MYO18B: variants seen among roughly 807,000 people sequenced by gnomAD.
MYO18B encodes the protein myosin XVIIIB.
In MYO18B, 204 loss-of-function variants were observed where a neutral mutation model predicts 273.0. The observed-to-expected ratio is 0.75, with a 90% CI of 0.67 to 0.84. MYO18B has a LOEUF of 0.84. Ranked by LOEUF, MYO18B falls within the 40% of genes least tolerant of loss-of-function variation. The pLI is 0.00. For synonymous variants in MYO18B, 1,330 were observed against 1,305.7 expected, an observed-to-expected ratio of 1.02 and a Z score of -0.40; for missense variants, 3,212 against 3,287.6, an observed-to-expected ratio of 0.98 and a Z score of 0.56.
intron 12 of MYO18B, among the ~76,000 whole-genome samples, chr22:25,819,362 C>G (rs1360974912): frequency 6.6e-6 from 1 of 152,204 alleles, no homozygotes; most frequent in Non-Finnish European, 1.5e-5. Context: ...GAAACAGTTG[C>G]AAGTGTTTAG....
At chr22:26,044,089 G>A in the MYO18B span, among the ~76,000 whole-genome samples, 6 of 152,202 alleles carry the variant, frequency 3.9e-5, no homozygotes, top group Non-Finnish European at 8.8e-5. Flanking sequence ...AATAACTAAT[G>A]AGGTTGAACC....
At chr22:25,972,665 C>G (rs1012147388) in intron 39 of MYO18B, among the ~76,000 whole-genome samples, 3 of 152,084 alleles carry the variant, frequency 2.0e-5, no homozygotes, top group African/African-American at 7.2e-5. Context: ...AGGTTAGAGA[C>G]GAGATCTCGG....
chr22:25,902,149 A>G (rs1342008689), intron 29 of MYO18B, among the ~76,000 whole-genome samples: 1 of 152,030 alleles, frequency 6.6e-6, no homozygotes, highest in Non-Finnish European at 1.5e-5. Context: ...CCTTTAAAAT[A>G]TATCCTTTAT....
intron 15 of MYO18B, among the ~76,000 whole-genome samples, chr22:25,832,674 G>A (rs528568022): frequency 2.2e-4 from 33 of 152,270 alleles, no homozygotes; most frequent in African/African-American, 7.5e-4. Flanking sequence ...AGAAAGTTCT[G>A]GAGATGGTTG....
At chr22:25,762,414 T>C (rs1199615546) in intron 2 of MYO18B, among the ~76,000 whole-genome samples, 1 of 152,236 alleles carries the variant, frequency 6.6e-6, no homozygotes, top group East Asian at 1.9e-4. Context: ...AAAGCACTGG[T>C]GACTTTTTTT....
intron 29 of MYO18B, chr22:25,901,070 T>C (rs1280046503): frequency 6.6e-6 from 1 of 152,220 alleles, no homozygotes; most frequent in Admixed American, 6.5e-5. Flanking sequence ...ATCACAATGC[T>C]TCCATTCAGA....
chr22:25,822,227 C>A (rs1393830692), intron 12 of MYO18B, among the ~76,000 whole-genome samples: 2 of 152,244 alleles, frequency 1.3e-5, no homozygotes, highest in Non-Finnish European at 2.9e-5. Flanking sequence ...CCTCCTTCAA[C>A]CTCTGAAGCA....
chr22:25,838,871 GTGTA>G (rs2089987599), intron 17 of MYO18B, among the ~76,000 whole-genome samples: 1 of 50,758 alleles, frequency 2.0e-5, no homozygotes, highest in Non-Finnish European at 4.5e-5. Context: ...GAACATGTTT[GTGTA>G]TATATATATA....
intron 1 of MYO18B, among the ~76,000 whole-genome samples, chr22:25,749,123 G>A (rs185423222): frequency 1.5e-3 from 236 of 152,266 alleles, no homozygotes; most frequent in Non-Finnish European, 2.5e-3. Context: ...GCCACTATCC[G>A]TCTATCAGGA....
chr22:25,828,197 A>G (rs1208467638), intron 14 of MYO18B, among the ~76,000 whole-genome samples: 1 of 151,972 alleles, frequency 6.6e-6, no homozygotes, highest in Non-Finnish European at 1.5e-5. Flanking sequence ...ACGGTGGCTA[A>G]GACGGTGGAG....
chr22:25,812,403 G>A (rs1009786519), intron 12 of MYO18B, among the ~76,000 whole-genome samples: 7 of 152,166 alleles, frequency 4.6e-5, no homozygotes, highest in Non-Finnish European at 7.4e-5. Flanking sequence ...AATGAGGTGA[G>A]CTTCACCCTG....
intron 21 of MYO18B, among the ~76,000 whole-genome samples, chr22:25,856,391 C>A (rs948403498): frequency 6.6e-5 from 10 of 152,214 alleles, no homozygotes; most frequent in African/African-American, 2.4e-4. Flanking sequence ...ACATGCCATT[C>A]ATGGATATTA....
chr22:25,851,030 A>G (rs1252826820), intron 20 of MYO18B, among the ~76,000 whole-genome samples: 2 of 151,840 alleles, frequency 1.3e-5, no homozygotes. Flanking sequence ...TGCTTCACAT[A>G]CAGTGTATGG....
chr22:25,931,433 C>T (rs1367361960), intron 34 of MYO18B, among the ~76,000 whole-genome samples: 1 of 152,228 alleles, frequency 6.6e-6, no homozygotes, highest in Non-Finnish European at 1.5e-5. Flanking sequence ...AACATTGATT[C>T]TTTACACTGT....
At chr22:25,872,753 C>A (rs1391325396) in intron 22 of MYO18B, among the ~76,000 whole-genome samples, 1 of 152,040 alleles carries the variant, frequency 6.6e-6, no homozygotes, top group African/African-American at 2.4e-5. Context: ...AGTGTTTTCC[C>A]TGCATGTCGA....
At chr22:25,855,757 G>T (rs1385000572) in intron 21 of MYO18B, among the ~76,000 whole-genome samples, 1 of 152,062 alleles carries the variant, frequency 6.6e-6, no homozygotes, top group South Asian at 2.1e-4. Flanking sequence ...TATTCCTTCA[G>T]CTATATGCCC....
the MYO18B span, among the ~76,000 whole-genome samples, chr22:26,041,375 A>G: frequency 4.0e-5 from 6 of 150,698 alleles, no homozygotes; most frequent in African/African-American, 1.5e-4. Flanking sequence ...AAAAAAAACA[A>G]AACTAGAAAA....
intron 40 of MYO18B, among the ~76,000 whole-genome samples, chr22:25,998,634 A>G (rs1196749187): frequency 6.6e-6 from 1 of 152,186 alleles, no homozygotes; most frequent in Non-Finnish European, 1.5e-5. Flanking sequence ...TTCTGAGTTA[A>G]TTTATTCATG....
rs541526737 is a variant in MYO18B at position 25,744,462 on chromosome 22, G to T, written c.-110+2169G>T. 2.6e-5 allele frequency among the ~76,000 whole-genome samples: 4 copies of T among 152,248 alleles called. No individual in the cohort carries two copies. The South Asian group carries it at 6.2e-4, about 24-fold the overall frequency. On this transcript the variant is annotated intron_variant, in intron 1 of 43. Coordinates refer to ENST00000335473, the MANE Select transcript of MYO18B (RefSeq NM_032608.7). ...ATTTAAACAAAGTGGCCGGGCGCGG[G>T]GGCTCACGCCTTTAATCCCAGCACT... is the stretch of plus-strand genomic sequence containing the variant.
Sources: gnomAD v4.1 joint callset for allele counts (sites outside exome capture counted in the v4.1 genomes callset) on GRCh38, gnomAD v4.1.1 for gene constraint, MANE v1.5 for transcripts, NCBI Gene and HGNC (gene_info 2026-07-23, HGNC 2026-07-21) for gene names.